GLRA1: variants seen among roughly 807,000 people sequenced by gnomAD.
GLRA1 encodes the protein glycine receptor subunit alpha-1.
A neutral mutation model predicts 48.3 loss-of-function variants in GLRA1; 37 were observed. The ratio of observed to expected loss-of-function variants is 0.77; its 90% CI spans 0.59 to 1.01. GLRA1 has a LOEUF of 1.01. GLRA1 is among the 50% of genes least tolerant of loss of function. GLRA1 has a pLI of 0.00. For missense variants in GLRA1, 427 were observed against 571.0 expected (o/e 0.75, Z 2.57); for synonymous variants, 196 against 210.7 (o/e 0.93, Z 0.60).
rs149913516 is a variant in GLRA1, at chr5:151,862,664, C to T, written c.253-2656G>A. On this transcript the variant is annotated intron_variant, in intron 3 of 8. Coordinates refer to ENST00000274576, the MANE Select transcript of GLRA1 (RefSeq NM_000171.4). The stretch of plus-strand genomic sequence containing the variant: ...GTTAGACCGGATGAAATACAATAGG[C>T]TTCTTTATTGCAGGACTTCTCAGAG... 9.8e-5 allele frequency among the ~76,000 whole-genome samples: 15 copies of T among 152,312 alleles called. No individual in the cohort carries two copies. The East Asian group carries it at 2.1e-3, about 22-fold the overall frequency.
rs1047016886 is a variant in GLRA1 at position 151,871,177 on chromosome 5, T to C, written c.253-11169A>G. ...TTCTCCTTGGCCCTCTCTTAGTCTT[T>C]TGTTTACTAAAGCTTTGTTGAGTGT... On this transcript the variant is annotated intron_variant, in intron 3 of 8. Transcript: ENST00000274576. 1.8e-4 allele frequency among the ~76,000 whole-genome samples: 27 copies of C among 149,598 alleles called. 2 individuals carry two copies. Among genetic ancestry groups the C allele is most frequent in the Admixed American group, 1.5e-3 (23 of 15,246 alleles).
chr5:151,899,327 A>C (rs1754308080), intron 1 of GLRA1, among the ~76,000 whole-genome samples: 1 of 152,196 alleles, frequency 6.6e-6, no homozygotes, highest in Admixed American at 6.5e-5. Context: ...TCTGAGTTTT[A>C]TTAATTGTAG....
chr5:151,847,585 G>A lies in GLRA1; in HGVS notation c.912+3805C>T, dbSNP rs560783221. On this transcript the variant is annotated intron_variant, in intron 7 of 8. Coordinates refer to ENST00000274576, the MANE Select transcript of GLRA1 (RefSeq NM_000171.4). ...AATACAAACATTAGCCAGGCATGACGGCGCGTGCCTGTAGTCCCAGCTACC... is the reference window on the plus strand; with the variant it reads ...AATACAAACATTAGCCAGGCATGACAGCGCGTGCCTGTAGTCCCAGCTACC... Among the ~76,000 whole-genome samples, 8 of 152,264 alleles carry A rather than the reference G, an allele frequency of 5.3e-5. No individual in the cohort carries two copies. The East Asian group carries it at 1.2e-3, about 22-fold the overall frequency.
At chr5:151,909,488 G>C (rs2113449460) in intron 1 of GLRA1, among the ~76,000 whole-genome samples, 1 of 152,352 alleles carries the variant, frequency 6.6e-6, no homozygotes, top group South Asian at 2.1e-4. Context: ...CTCCCAGGTA[G>C]TGTTTAAGAT....
intron 6 of GLRA1, 34 bp downstream of exon 6, chr5:151,855,006 G>A (rs749047767): frequency 1.2e-6 from 2 of 1,608,506 alleles, no homozygotes; most frequent in African/African-American, 1.3e-5. Context: ...CTGGTTGGGG[G>A]GTGGGATCTG....
chr5:151,918,866 T>C (rs1294339511), intron 1 of GLRA1, among the ~76,000 whole-genome samples: 3 of 152,182 alleles, frequency 2.0e-5, no homozygotes, highest in East Asian at 1.9e-4. Flanking sequence ...CTGACTTATA[T>C]TGAGTCCAAA....
chr5:151,868,471 G>A (rs576490737), intron 3 of GLRA1, among the ~76,000 whole-genome samples: 1 of 152,332 alleles, frequency 6.6e-6, no homozygotes, highest in Admixed American at 6.5e-5. Context: ...TCAAGGTACA[G>A]AGAGGTTAAT....
At chr5:151,923,215 A>G (rs542280878) in intron 1 of GLRA1, among the ~76,000 whole-genome samples, 31 of 152,324 alleles carry the variant, frequency 2.0e-4, no homozygotes, top group African/African-American at 7.2e-4. Flanking sequence ...CCTTTTCTTC[A>G]TCTCAAGAGA....
chr5:151,849,153 T>TTTCTTTCTTTCTTTCTTTCTTTCCTTC (rs375546011), intron 7 of GLRA1: 1 of 76,058 alleles, frequency 1.3e-5, no homozygotes, highest in Admixed American at 1.9e-4. Flanking sequence ...TCTTTCTTTC[T>TTTCTTTCTTTCTTTCTTTCTTTCCTTC]TTTCTTTTCT....
chr5:151,853,530 A>G (rs1752962145), intron 6 of GLRA1, among the ~76,000 whole-genome samples: 1 of 151,582 alleles, frequency 6.6e-6, no homozygotes, highest in Non-Finnish European at 1.5e-5. Context: ...TGCTGGGATT[A>G]CAGGCATGAG....
chr5:151,919,036 TA>T (rs1350391175), intron 1 of GLRA1, among the ~76,000 whole-genome samples: 1 of 152,230 alleles, frequency 6.6e-6, no homozygotes, highest in Admixed American at 6.5e-5. Flanking sequence ...GAGTGCATTT[TA>T]AACATTTCAA....
chr5:151,850,657 T>C, intron 7 of GLRA1: 1 of 1,369,038 alleles, frequency 7.3e-7, no homozygotes, highest in South Asian at 1.2e-5. Flanking sequence ...TTCCCTGGAC[T>C]GTTGGCCAGG....
At chr5:151,844,037 G>T (rs759758524) in intron 7 of GLRA1, among the ~76,000 whole-genome samples, 1 of 152,084 alleles carries the variant, frequency 6.6e-6, no homozygotes, top group Non-Finnish European at 1.5e-5. Context: ...AGGTGTGGTG[G>T]TGCATGCCTG....
rs1299012856 is a variant in GLRA1, at chr5:151,924,588, G to T, written c.-39C>A. 13 of 1,291,428 alleles carry T rather than the reference G, an allele frequency of 1.0e-5. No homozygotes were observed. The highest frequency in any genetic ancestry group is 1.2e-5 in the Non-Finnish European group (11 of 885,126). The allele number at this position is 1,291,428 out of a possible 1,614,324, so 80.0% of individuals were successfully genotyped here. On this transcript the variant is annotated 5_prime_UTR_variant, in exon 1 of 9. Transcript: ENST00000274576. ...GTGCTTTGTAGTCCACGAGTTATGGGGGCAAAAATGTTTCAAATTGGCACT... is the reference window on the plus strand; with the variant it reads ...GTGCTTTGTAGTCCACGAGTTATGGTGGCAAAAATGTTTCAAATTGGCACT...
intron 8 of GLRA1, among the ~76,000 whole-genome samples, chr5:151,827,029 GT>G (rs199505206): frequency 1.0e-3 from 133 of 126,770 alleles, no homozygotes; most frequent in Admixed American, 1.8e-3. Context: ...CTTTCTTTCT[GT>G]TTTTTTTTTT....
intron 7 of GLRA1, among the ~76,000 whole-genome samples, chr5:151,843,950 AC>A (rs769342569): frequency 6.6e-6 from 1 of 151,910 alleles, no homozygotes; most frequent in Non-Finnish European, 1.5e-5. Context: ...CAGGCAGATC[AC>A]CTGGGGTCAG....
At chr5:151,911,719 C>A (rs1449766580) in intron 1 of GLRA1, among the ~76,000 whole-genome samples, 3 of 150,636 alleles carry the variant, frequency 2.0e-5, no homozygotes, top group African/African-American at 7.4e-5. Flanking sequence ...CATTCTCCTG[C>A]CTCAGCCTCC....
chr5:151,895,670 T>G (rs930498255), intron 1 of GLRA1, among the ~76,000 whole-genome samples: 1 of 150,748 alleles, frequency 6.6e-6, no homozygotes, highest in African/African-American at 2.5e-5. Flanking sequence ...TTTGAAGCAG[T>G]TCAGAGTGGG....
chr5:151,904,755 A>C (rs1754439344), intron 1 of GLRA1, among the ~76,000 whole-genome samples: 1 of 152,196 alleles, frequency 6.6e-6, no homozygotes, highest in African/African-American at 2.4e-5. Flanking sequence ...GTAAGGAATA[A>C]GCATTCTTTT....
Sources: gnomAD v4.1 joint callset for allele counts (sites outside exome capture counted in the v4.1 genomes callset) on GRCh38, gnomAD v4.1.1 for gene constraint, MANE v1.5 for transcripts, NCBI Gene and HGNC (gene_info 2026-07-23, HGNC 2026-07-21) for gene names.